Variants in CECR2 observed in about 807,000 individuals in gnomAD.
CECR2 encodes the protein chromatin remodeling regulator CECR2.
A neutral mutation model predicts 154.5 loss-of-function variants in CECR2; 30 were observed. The ratio of observed to expected loss-of-function variants is 0.19; its 90% confidence interval spans 0.15 to 0.26. The LOEUF is 0.26. CECR2 is among the 10% of genes least tolerant of loss of function. CECR2 has a pLI of 1.00. For missense variants in CECR2, 1,743 were observed against 1,829.3 expected (o/e 0.95, Z 0.86); for synonymous variants, 725 against 683.7 (o/e 1.06, Z -0.94).
upstream of CECR2, among the ~76,000 whole-genome samples, chr22:17,368,577 G>A (rs1242621202): frequency 6.6e-6 from 1 of 152,042 alleles, no homozygotes; most frequent in Non-Finnish European, 1.5e-5. Context: ...AACACCCTTC[G>A]GCCGTAGCAC....
intron 9 of CECR2, among the ~76,000 whole-genome samples, chr22:17,530,940 G>C (rs969578601): frequency 4.6e-5 from 7 of 152,152 alleles, no homozygotes; most frequent in African/African-American, 1.7e-4. Flanking sequence ...AGTGTTTAAC[G>C]TTACAGACTG....
At chr22:17,438,425 C>T (rs1329548883) in intron 1 of CECR2, among the ~76,000 whole-genome samples, 2 of 152,124 alleles carry the variant, frequency 1.3e-5, no homozygotes, top group Non-Finnish European at 2.9e-5. Flanking sequence ...AGTAAATTGT[C>T]CTTAGTACCG....
At chr22:17,416,220 TGAA>T (rs2054154989) in intron 1 of CECR2, among the ~76,000 whole-genome samples, 1 of 152,178 alleles carries the variant, frequency 6.6e-6, no homozygotes, top group South Asian at 2.1e-4. Context: ...GCTAGAGACA[TGAA>T]GAAAGGAGCA....
At chr22:17,541,296 A>T (rs1013587889) in intron 14 of CECR2, among the ~76,000 whole-genome samples, 1 of 152,150 alleles carries the variant, frequency 6.6e-6, no homozygotes, top group Non-Finnish European at 1.5e-5. Flanking sequence ...TCTACTAAAA[A>T]TACAAAAATT....
In CECR2 at chr22:17,371,802, A is replaced by C. The variant is rs1163069690; in HGVS notation, c.126+1893A>C. On this transcript the variant is annotated intron_variant, in intron 1 of 18. Coordinates refer to ENST00000262608, the MANE Select transcript of CECR2 (RefSeq NM_001290047.2). ...TGTTGGAAAAACTTTATGTCTCAAA[A>C]TCCATGTATTCCCATTTTGTTGATG... 2.0e-5 allele frequency among the ~76,000 whole-genome samples: 3 copies of C among 152,212 alleles called. No homozygotes were observed. In the East Asian group the frequency reaches 5.8e-4, roughly 29 times the overall value.
At chr22:17,375,391 A>G (rs1316307677) in intron 1 of CECR2, among the ~76,000 whole-genome samples, 4 of 152,110 alleles carry the variant, frequency 2.6e-5, no homozygotes, top group Admixed American at 2.0e-4. Context: ...CTGGGATTAC[A>G]GGCATGAGCC....
intron 1 of CECR2, among the ~76,000 whole-genome samples, chr22:17,442,692 C>T (rs1340281955): frequency 2.6e-5 from 4 of 152,048 alleles, no homozygotes; most frequent in East Asian, 3.9e-4. Context: ...GGATTACAGG[C>T]GCCCGCCACC....
At chr22:17,551,684 A>G (rs1278151004) in intron 17 of CECR2, among the ~76,000 whole-genome samples, 3 of 152,074 alleles carry the variant, frequency 2.0e-5, no homozygotes, top group South Asian at 2.1e-4. Context: ...GGTAGCACAC[A>G]CTACTCAGGA....
At chr22:17,466,090 C>T (rs891929062) in intron 1 of CECR2, among the ~76,000 whole-genome samples, 8 of 151,726 alleles carry the variant, frequency 5.3e-5, no homozygotes, top group African/African-American at 1.5e-4. Flanking sequence ...GGTATGATCT[C>T]GTCGGCTCAC....
chr22:17,494,704 G>GT (rs1040585428), intron 2 of CECR2, among the ~76,000 whole-genome samples: 270 of 151,684 alleles, frequency 1.8e-3, no homozygotes, highest in African/African-American at 5.9e-3. Context: ...GTGTTTTTTT[G>GT]TTTTTTTTGA....
At chr22:17,552,261 G>A (rs1185954456) in intron 18 of CECR2, 119 bp downstream of exon 18, 4 of 860,164 alleles carry the variant, frequency 4.7e-6, no homozygotes, top group African/African-American at 1.7e-5. Context: ...CAGGAACTTT[G>A]CCTGTATCGT....
At chr22:17,458,164 C>A (rs752826891) in intron 1 of CECR2, among the ~76,000 whole-genome samples, 2 of 152,118 alleles carry the variant, frequency 1.3e-5, no homozygotes, top group Non-Finnish European at 2.9e-5. Context: ...CACCTGTAAT[C>A]CCAGCACTTG....
At chr22:17,540,358 A>T in intron 13 of CECR2, 54 bp from the exon 14 acceptor site, 4 of 1,421,314 alleles carry the variant, frequency 2.8e-6, no homozygotes. Flanking sequence ...TATAGTTTCT[A>T]TAAACAATTT....
chr22:17,470,409 G>GA (rs1380771306), intron 1 of CECR2, among the ~76,000 whole-genome samples: 3 of 125,038 alleles, frequency 2.4e-5, no homozygotes, highest in East Asian at 4.0e-4. Flanking sequence ...AAAAAAAAAA[G>GA]AAAAAAAAAT....
At chr22:17,421,028 T>A (rs1024164615) in intron 1 of CECR2, among the ~76,000 whole-genome samples, 7 of 152,232 alleles carry the variant, frequency 4.6e-5, no homozygotes, top group Non-Finnish European at 1.0e-4. Flanking sequence ...TAAGTACACA[T>A]CAATGTATAT....
intron 7 of CECR2, among the ~76,000 whole-genome samples, chr22:17,506,097 T>C (rs930739674): frequency 6.6e-6 from 1 of 152,134 alleles, no homozygotes; most frequent in Non-Finnish European, 1.5e-5. Context: ...TCCTTCTGTC[T>C]TGGCTTCCCA....
intron 1 of CECR2, among the ~76,000 whole-genome samples, chr22:17,378,538 G>A (rs1326568411): frequency 4.6e-5 from 7 of 151,972 alleles, no homozygotes; most frequent in African/African-American, 1.5e-4. Flanking sequence ...CCCCCTCCTC[G>A]GCCTCCCAAA....
intron 2 of CECR2, among the ~76,000 whole-genome samples, chr22:17,482,141 A>AAAG (rs2055335699): frequency 2.7e-5 from 2 of 74,350 alleles, no homozygotes; most frequent in African/African-American, 4.3e-5. Flanking sequence ...AAAAAAAAAA[A>AAAG]GGGCGTGGCA....
Position 17,549,303 on chromosome 22 carries a change from A to T in CECR2, c.4016A>T (p.His1339Leu). Residue 1339 changes from histidine (H) to leucine (L), a missense_variant, in exon 17 of 19, where the codon CAC becomes CTC. By Grantham distance (99) the His-to-Leu change is moderately conservative. Around this residue, in one of 4 missense-constraint regions of CECR2, gnomAD observed 1,250 missense variants for 1,192.1 expected, o/e 1.05. Transcript: ENST00000262608. ...MGFGSSAFPP[H>L]SVMLQTGPPY... ...TTTGGTTCATCTGCATTTCCACCCC[A>T]CAGTGTGATGCTGCAGACGGGGCCT... 6.2e-7 allele frequency: 1 copy of T among 1,613,874 alleles called. No homozygotes were observed. Among genetic ancestry groups the T allele is most frequent in the South Asian group, 1.1e-5 (1 of 91,072 alleles).
Sources: gnomAD v4.1 joint callset for allele counts (sites outside exome capture counted in the v4.1 genomes callset) on GRCh38, gnomAD v4.1.1 for gene constraint, gnomAD v4.1.1 regional missense constraint, MANE v1.5 for transcripts, NCBI Gene and HGNC (gene_info 2026-07-23, HGNC 2026-07-21) for gene names.